Variants in RNF128 observed in about 807,000 individuals in gnomAD.
RNF128 encodes ring finger protein 128.
A neutral mutation model predicts 26.2 loss-of-function variants in RNF128; 13 were observed. The observed-to-expected ratio is 0.50, with a 90% CI of 0.32 to 0.79. The LOEUF (loss-of-function observed/expected upper bound fraction) is 0.79. Ranked by LOEUF, RNF128 falls within the 30% of genes least tolerant of loss-of-function variation. RNF128 has a pLI of 0.03. For missense variants in RNF128, 315 were observed against 349.7 expected (o/e 0.90, Z 0.79); for synonymous variants, 149 against 142.5 (o/e 1.05, Z -0.32).
chrX:106,787,529 A>G (rs1930678768), intron 3 of RNF128, among the ~76,000 whole-genome samples: 1 of 111,230 alleles, frequency 9.0e-6, no homozygotes, highest in Non-Finnish European at 1.9e-5. Flanking sequence ...TTAAGTGACG[A>G]CATATTTTTC....
intron 2 of RNF128, among the ~76,000 whole-genome samples, chrX:106,774,701 C>T (rs868608234): frequency 1.8e-5 from 2 of 112,244 alleles, no homozygotes; most frequent in South Asian, 7.3e-4. Context: ...TTTCTTACCT[C>T]CTCCTCCCTT....
intron 6 of RNF128, among the ~76,000 whole-genome samples, chrX:106,794,531 C>T (rs1930881854): frequency 9.0e-6 from 1 of 110,839 alleles, no homozygotes; most frequent in Non-Finnish European, 1.9e-5. Context: ...CTAGGTTAAC[C>T]TTGTACTTTC....
intron 1 of RNF128, among the ~76,000 whole-genome samples, chrX:106,770,502 C>A (rs1042836241): frequency 9.0e-6 from 1 of 110,714 alleles, no homozygotes; most frequent in Non-Finnish European, 1.9e-5. Flanking sequence ...TTCATTTGAT[C>A]TTCAATCACT....
intron 1 of RNF128, among the ~76,000 whole-genome samples, chrX:106,756,356 C>T (rs1930009840): frequency 9.0e-6 from 1 of 110,702 alleles, no homozygotes; most frequent in South Asian, 3.8e-4. Flanking sequence ...GCTACAGTAA[C>T]CAAAACAGCA....
At chrX:106,788,350 TTATATAC>T (rs1930700479) in intron 4 of RNF128, among the ~76,000 whole-genome samples, 2 of 48,427 alleles carry the variant, frequency 4.1e-5, no homozygotes, top group African/African-American at 9.1e-5. Flanking sequence ...ATAATATATA[TTATATAC>T]TATATATAAT....
intron 1 of RNF128, among the ~76,000 whole-genome samples, chrX:106,767,616 T>G (rs1174597285): frequency 1.8e-5 from 2 of 111,932 alleles, no homozygotes; most frequent in Non-Finnish European, 3.8e-5. Flanking sequence ...GAATTTGGGC[T>G]GAGACGATGG....
chrX:106,775,157 C>T (rs1930445098), intron 2 of RNF128, among the ~76,000 whole-genome samples: 1 of 111,920 alleles, frequency 8.9e-6, no homozygotes, highest in African/African-American at 3.2e-5. Flanking sequence ...CCAGGCCACT[C>T]AGTAGTTTCA....
At chrX:106,693,974 C>G in exon 1 of RNF128, 1 of 1,152,004 alleles carries the variant, frequency 8.7e-7, no homozygotes, top group South Asian at 2.1e-5. Flanking sequence ...CAGCAAACAT[C>G]TTAAATTTTA....
chrX:106,760,708 CTA>C (rs1185861140), intron 1 of RNF128, among the ~76,000 whole-genome samples: 1 of 111,582 alleles, frequency 9.0e-6, no homozygotes, highest in Non-Finnish European at 1.9e-5. Flanking sequence ...TATTTTAGCA[CTA>C]TTCACAACAG....
At chrX:106,759,990 A>G (rs1381514605) in intron 1 of RNF128, among the ~76,000 whole-genome samples, 2 of 111,593 alleles carry the variant, frequency 1.8e-5, no homozygotes, top group Non-Finnish European at 3.8e-5. Flanking sequence ...TGGATACCCC[A>G]TTTACCCTGA....
At chrX:106,788,563 T>G (rs1220482925) in intron 4 of RNF128, among the ~76,000 whole-genome samples, 4 of 59,971 alleles carry the variant, frequency 6.7e-5, no homozygotes, top group African/African-American at 2.8e-4. Context: ...TATATTTATA[T>G]ATTATATAGT....
chrX:106,727,277 C>T lies in RNF128; in HGVS notation c.364C>T (p.Arg122Cys). ...AGTCTCTTGGTTGGCCCTCATCCAA[C>T]GCGGCGGGGGCTGCACCTTCGCAGA... Reference protein sequence around the residue: ...VQVSWLALIQRGGGCTFADKI... With the variant: ...VQVSWLALIQCGGGCTFADKI... The change falls in exon 1 of 7, where the codon CGC becomes TGC. Residue 122 changes from arginine to cysteine, a missense_variant. Transcript: ENST00000255499. 1 of 1,211,562 alleles carries T rather than the reference C, an allele frequency of 8.3e-7. No individual in the cohort carries two copies. The highest frequency in any genetic ancestry group is 1.1e-6 in the Non-Finnish European group (1 of 895,381).
chrX:106,743,572 C>T lies in RNF128; in HGVS notation c.484+16175C>T, dbSNP rs1239117744. Reference sequence around the variant, plus strand: ...TAGAAAGAATTCATTGATATTGTTTCAAATTCTACCTTGCACATAGTATTT... The same window carrying T: ...TAGAAAGAATTCATTGATATTGTTTTAAATTCTACCTTGCACATAGTATTT... On this transcript the variant is annotated intron_variant, in intron 1 of 6. Transcript: ENST00000255499. Among the ~76,000 whole-genome samples the T allele has an allele frequency of 6.2e-5, 7 of 112,555 alleles. No individual in the cohort carries two copies. In the East Asian group the frequency reaches 2.0e-3, roughly 32 times the overall value.
At chrX:106,792,348 G>T (rs1385506894) in intron 6 of RNF128, among the ~76,000 whole-genome samples, 2 of 74,405 alleles carry the variant, frequency 2.7e-5, no homozygotes, top group African/African-American at 5.3e-5. Context: ...CTCTTTTTGT[G>T]TTCTGTTCTT....
intron 1 of RNF128, among the ~76,000 whole-genome samples, chrX:106,731,216 T>C (rs1003200401): frequency 1.8e-5 from 2 of 112,252 alleles, no homozygotes; most frequent in African/African-American, 3.2e-5. Context: ...TCTAGAGTAC[T>C]TCAAAGTCCA....
intron 2 of RNF128, among the ~76,000 whole-genome samples, chrX:106,783,216 T>G (rs1271147116): frequency 9.0e-6 from 1 of 111,587 alleles, no homozygotes; most frequent in Non-Finnish European, 1.9e-5. Context: ...GCTAAATATC[T>G]TCCACAAAAT....
chrX:106,714,479 G>T (rs112497985), intron 1 of RNF128, among the ~76,000 whole-genome samples: 18 of 111,364 alleles, frequency 1.6e-4, no homozygotes, highest in African/African-American at 5.9e-4. Context: ...TCCCCCAGTA[G>T]TATCACCTCG....
chrX:106,776,173 A>G (rs1287219071), intron 2 of RNF128, among the ~76,000 whole-genome samples: 1 of 112,464 alleles, frequency 8.9e-6, no homozygotes, highest in Non-Finnish European at 1.9e-5. Flanking sequence ...AAATTAAACT[A>G]CATTCAGGAG....
chrX:106,792,658 C>T (rs1306895979), intron 6 of RNF128, among the ~76,000 whole-genome samples: 1 of 111,260 alleles, frequency 9.0e-6, no homozygotes, highest in East Asian at 2.8e-4. Flanking sequence ...GTTAGGGGAG[C>T]CCAGTATAAC....
Sources: allele counts gnomAD v4.1 joint callset (sites outside exome capture counted in the v4.1 genomes callset), GRCh38; gene constraint gnomAD v4.1.1; transcripts MANE v1.5; gene names NCBI Gene and HGNC (gene_info 2026-07-23, HGNC 2026-07-21).